IQGAP2: variants seen among roughly 807,000 people sequenced by gnomAD.
The protein encoded by IQGAP2 is IQ motif containing GTPase activating protein 2, also known as ras GTPase-activating-like protein IQGAP2.
IQGAP2 carries 173 observed loss-of-function variants against 201.3 expected under a neutral mutation model. The ratio of observed to expected loss-of-function variants is 0.86; its 90% CI spans 0.76 to 0.98. The LOEUF (loss-of-function observed/expected upper bound fraction) is 0.98, where lower values mean the gene tolerates loss of function less well. Ranked by LOEUF, IQGAP2 falls within the 50% of genes least tolerant of loss-of-function variation. IQGAP2 has a pLI of 0.00. For missense variants in IQGAP2, 1,687 were observed against 1,864.8 expected (o/e 0.90, Z 1.76); for synonymous variants, 675 against 673.9 (o/e 1.00, Z -0.03).
intron 24 of IQGAP2, among the ~76,000 whole-genome samples, chr5:76,672,796 G>C (rs750004778): frequency 6.6e-6 from 1 of 151,710 alleles, no homozygotes; most frequent in Admixed American, 6.6e-5. Context: ...GGACAGTTAT[G>C]CACTAAGGTA....
chr5:76,589,681 A>G lies in IQGAP2; in HGVS notation c.593A>G (p.Lys198Arg), dbSNP rs1450263014. 3 of 1,609,380 alleles carry G rather than the reference A, an allele frequency of 1.9e-6. No homozygotes were observed. The highest frequency in any genetic ancestry group is 1.1e-5 in the South Asian group (1 of 89,762). Residue 198 changes from lysine (K) to arginine (R), a missense_variant, in exon 7 of 36, where the codon AAA becomes AGA. By Grantham distance (26) the Lys-to-Arg change is conservative (BLOSUM62 2). Coordinates refer to ENST00000274364, the MANE Select transcript of IQGAP2 (RefSeq NM_006633.5). ...GGAATACAGATGCCATCTTTCAGCA[A>G]AATAGGTGGTATTCTGGCCAATGAA... Reference protein sequence around the residue: ...KYGIQMPSFSKIGGILANELS... With the variant: ...KYGIQMPSFSRIGGILANELS...
At chr5:76,574,939 A>G (rs892637276) in intron 4 of IQGAP2, among the ~76,000 whole-genome samples, 3 of 152,240 alleles carry the variant, frequency 2.0e-5, no homozygotes, top group African/African-American at 7.2e-5. Context: ...ATATACATCT[A>G]TTAAAAATAA....
intron 28 of IQGAP2, among the ~76,000 whole-genome samples, chr5:76,682,772 A>C (rs924294903): frequency 3.3e-5 from 5 of 152,154 alleles, no homozygotes; most frequent in Non-Finnish European, 5.9e-5. Flanking sequence ...TACCAATGTT[A>C]ACTGAAAGAT....
Position 76,702,966 on chromosome 5 carries a change from C to G in IQGAP2, c.4614+376C>G, listed in dbSNP as rs1003422139. On this transcript the variant is annotated intron_variant, in intron 35 of 35. Coordinates refer to ENST00000274364, the MANE Select transcript of IQGAP2 (RefSeq NM_006633.5). ...TGCCCAGGACTGGAACTTTCATGAT[C>G]TCATTTTTCCCTCTCTCCTAGAATG... is the stretch of plus-strand genomic sequence containing the variant. Among the ~76,000 whole-genome samples, 3 of 132,726 alleles carry G rather than the reference C, an allele frequency of 2.3e-5. No homozygotes were observed. The Admixed American group carries it at 2.8e-4, about 12-fold the overall frequency. The allele number at this position is 132,726 out of a possible 152,430, so 87.1% of individuals were successfully genotyped here. A position where few individuals can be genotyped will look rare whatever the true frequency, so the allele number is the denominator to read the frequency against.
chr5:76,604,231 GT>G (rs878971342), intron 11 of IQGAP2, among the ~76,000 whole-genome samples: 2 of 151,976 alleles, frequency 1.3e-5, no homozygotes, highest in East Asian at 3.9e-4. Context: ...AACATGTGTT[GT>G]TTGGTTTCTG....
chr5:76,509,483 G>A (rs995258230), intron 2 of IQGAP2, among the ~76,000 whole-genome samples: 4 of 150,934 alleles, frequency 2.7e-5, no homozygotes, highest in Non-Finnish European at 4.4e-5. Context: ...TGCAAGCTCC[G>A]CCTCCCGGTT....
At chr5:76,580,225 G>A (rs1745748243) in intron 5 of IQGAP2, among the ~76,000 whole-genome samples, 1 of 151,650 alleles carries the variant, frequency 6.6e-6, no homozygotes. Context: ...GCAGTGAGCT[G>A]AGACTGTGCC....
intron 35 of IQGAP2, among the ~76,000 whole-genome samples, chr5:76,706,825 A>C (rs1208507826): frequency 6.6e-6 from 1 of 152,256 alleles, no homozygotes; most frequent in African/African-American, 2.4e-5. Context: ...TCACTTGGGA[A>C]TTTATTAAAA....
At position 76,611,017 on chromosome 5, in the gene IQGAP2, TAGG is replaced by T; in HGVS notation, c.1358_1360del (p.Arg453_Val454delinsLeu). 2 of 1,602,430 alleles carry T rather than the reference TAGG, an allele frequency of 1.2e-6. No homozygotes were observed. The highest frequency in any genetic ancestry group is 1.7e-4 in the Middle Eastern group (1 of 5,980). On this transcript the variant is annotated splice_acceptor_variant and coding_sequence_variant, in exon 13 of 36. Coordinates refer to ENST00000274364, the MANE Select transcript of IQGAP2 (RefSeq NM_006633.5). LOFTEE classifies it high-confidence loss of function. ...AAAGGAAAACTACTTCTTCATTTTC[TAGG>T]AGTTGTAGCTGTAGGGTACATCAAT...
chr5:76,489,560 C>A (rs1756402589), intron 2 of IQGAP2, among the ~76,000 whole-genome samples: 1 of 152,160 alleles, frequency 6.6e-6, no homozygotes, highest in Non-Finnish European at 1.5e-5. Context: ...CTCCCAGGTT[C>A]AAGCAATTCT....
chr5:76,430,515 A>G (rs1365543315), intron 1 of IQGAP2, among the ~76,000 whole-genome samples: 2 of 152,164 alleles, frequency 1.3e-5, no homozygotes, highest in Non-Finnish European at 2.9e-5. Context: ...CACAGAACAA[A>G]TGTTCCAAGA....
intron 2 of IQGAP2, among the ~76,000 whole-genome samples, chr5:76,551,216 GC>G (rs1342778797): frequency 1.3e-5 from 2 of 151,766 alleles, no homozygotes; most frequent in Non-Finnish European, 1.5e-5. Context: ...CGGGGTCGGG[GC>G]CGGGCAGAGG....
At chr5:76,491,116 C>G (rs925557857) in intron 2 of IQGAP2, among the ~76,000 whole-genome samples, 1 of 151,352 alleles carries the variant, frequency 6.6e-6, no homozygotes, top group Non-Finnish European at 1.5e-5. Context: ...ACTTCCTCTA[C>G]TTCCTGGAAG....
intron 2 of IQGAP2, among the ~76,000 whole-genome samples, chr5:76,502,866 G>A (rs1757354529): frequency 6.6e-6 from 1 of 151,810 alleles, no homozygotes; most frequent in Admixed American, 6.6e-5. Context: ...CTCCCAAGTA[G>A]CTGGGACTAT....
At position 76,462,739 on chromosome 5, in the gene IQGAP2, G is replaced by T. The variant is rs189466259; in HGVS notation, c.146+1070G>T. 1.7e-4 allele frequency among the ~76,000 whole-genome samples: 26 copies of T among 152,214 alleles called. No individual in the cohort carries two copies. The East Asian group carries it at 4.4e-3, about 26-fold the overall frequency. ...GATGAGGTTTTTAATCAGTATTTTG[G>T]TGACACATGCCCTAATTTGACATCA... On this transcript the variant is annotated intron_variant, in intron 2 of 35. Transcript: ENST00000274364.
At chr5:76,617,617 T>G (rs1749111709) in intron 13 of IQGAP2, 1 of 1,613,230 alleles carries the variant, frequency 6.2e-7, no homozygotes, top group Non-Finnish European at 8.5e-7. Flanking sequence ...TGATTTCTGG[T>G]TTTTGACATG....
At chr5:76,617,931 TGGAA>T in intron 13 of IQGAP2, 1 of 1,614,010 alleles carries the variant, frequency 6.2e-7, no homozygotes, top group East Asian at 2.2e-5. Context: ...GTAATAGAGT[TGGAA>T]GGGAGATGAG....
At chr5:76,444,541 C>T (rs182203927) in intron 1 of IQGAP2, among the ~76,000 whole-genome samples, 86 of 152,278 alleles carry the variant, frequency 5.6e-4, no homozygotes, top group Non-Finnish European at 9.7e-4. Flanking sequence ...TTAGGTGATC[C>T]GCCCACCTTG....
intron 5 of IQGAP2, among the ~76,000 whole-genome samples, chr5:76,587,791 CA>C (rs369335425): frequency 6.6e-6 from 1 of 151,544 alleles, no homozygotes; most frequent in South Asian, 2.1e-4. Flanking sequence ...AAAAAAAATA[CA>C]AAAAGTAGAC....
Sources: allele counts gnomAD v4.1 joint callset (sites outside exome capture counted in the v4.1 genomes callset), GRCh38; gene constraint gnomAD v4.1.1; transcripts MANE v1.5; gene names NCBI Gene and HGNC (gene_info 2026-07-23, HGNC 2026-07-21).